Variants in SEMA6D observed in about 807,000 individuals in gnomAD.
SEMA6D encodes semaphorin 6D.
A neutral mutation model predicts 106.6 loss-of-function variants in SEMA6D; 35 were observed. That is an observed-to-expected ratio of 0.33 (90% CI 0.25 to 0.44). SEMA6D has a LOEUF of 0.44. Ranked by LOEUF, SEMA6D falls within the 20% of genes least tolerant of loss-of-function variation. The pLI is 1.00. For missense variants in SEMA6D, 1,185 were observed against 1,345.9 expected (o/e 0.88, Z 1.87); for synonymous variants, 499 against 487.7 (o/e 1.02, Z -0.31).
intron 3 of SEMA6D, among the ~76,000 whole-genome samples, chr15:47,566,802 T>TGC (rs1566895755): frequency 2.6e-5 from 4 of 152,216 alleles, no homozygotes; most frequent in Non-Finnish European, 5.9e-5. Flanking sequence ...GCTTCCAGTG[T>TGC]CTGTCACGTG....
chr15:47,611,255 C>G (rs554252320), intron 4 of SEMA6D, among the ~76,000 whole-genome samples: 1 of 152,084 alleles, frequency 6.6e-6, no homozygotes, highest in South Asian at 2.1e-4. Context: ...GCTACAGATA[C>G]CAGTCTTTAC....
chr15:47,586,106 AAAT>A (rs1314776659), intron 3 of SEMA6D, among the ~76,000 whole-genome samples: 99 of 152,262 alleles, frequency 6.5e-4, no homozygotes, highest in Non-Finnish European at 1.3e-4. Flanking sequence ...TTCTACAATT[AAAT>A]AATAAGAGAC....
intron 1 of SEMA6D, among the ~76,000 whole-genome samples, chr15:47,250,474 C>A (rs936261824): frequency 1.3e-5 from 2 of 152,000 alleles, no homozygotes; most frequent in African/African-American, 4.8e-5. Flanking sequence ...AAGGAAAGAA[C>A]CTTTAGCAAA....
intron 1 of SEMA6D, among the ~76,000 whole-genome samples, chr15:47,385,069 A>C (rs2039785263): frequency 1.1e-5 from 1 of 90,758 alleles, no homozygotes; most frequent in Admixed American, 1.1e-4. Flanking sequence ...TTTTTTTACC[A>C]TAGAACTCAT....
At chr15:47,592,673 TA>T in intron 3 of SEMA6D, among the ~76,000 whole-genome samples, 1 of 152,322 alleles carries the variant, frequency 6.6e-6, no homozygotes, top group East Asian at 1.9e-4. Context: ...ATTGCATAAA[TA>T]AAAATTTGCA....
intron 2 of SEMA6D, among the ~76,000 whole-genome samples, chr15:47,456,335 T>C (rs969876185): frequency 2.0e-5 from 3 of 152,012 alleles, no homozygotes; most frequent in East Asian, 1.9e-4. Context: ...TTACCTCTAA[T>C]TGAAATGTAA....
rs746946975 is a variant in SEMA6D, at chr15:47,289,393, C to CAAA, written c.-239+104996_-239+104998dup. Among the ~76,000 whole-genome samples, 346 of 46,488 alleles carry CAAA rather than the reference C, an allele frequency of 7.4e-3. 4 individuals carry two copies. The highest frequency in any genetic ancestry group is 0.035 in the South Asian group (37 of 1,056). 30.5% of individuals were successfully genotyped at this position (46,488 alleles called of 152,430 possible). A position where few individuals can be genotyped will look rare whatever the true frequency, so the allele number is the denominator to read the frequency against. ...TGGGTGACAGAGCAAAACTCCATCT[C>CAAA]AAAAAAAAAAAAAAAAAAAAAAAGA... On this transcript the variant is annotated intron_variant, in intron 1 of 19. Transcript: ENST00000558014.
chr15:47,576,992 C>A (rs1192914234), intron 3 of SEMA6D, among the ~76,000 whole-genome samples: 1 of 152,226 alleles, frequency 6.6e-6, no homozygotes, highest in East Asian at 1.9e-4. Flanking sequence ...CTATTACCTA[C>A]AGAAGAAACC....
chr15:47,466,801 A>G (rs1482759387), intron 2 of SEMA6D, among the ~76,000 whole-genome samples: 1 of 149,212 alleles, frequency 6.7e-6, no homozygotes, highest in Non-Finnish European at 1.5e-5. Context: ...ATCTCGGCTC[A>G]CTGCAACCTC....
intron 4 of SEMA6D, among the ~76,000 whole-genome samples, chr15:47,683,112 A>G (rs542481526): frequency 2.0e-5 from 3 of 152,334 alleles, no homozygotes; most frequent in African/African-American, 7.2e-5. Context: ...TGCTACATAG[A>G]TAAATTGCAT....
intron 1 of SEMA6D, among the ~76,000 whole-genome samples, chr15:47,199,269 T>C (rs1894558130): frequency 6.6e-6 from 1 of 152,176 alleles, no homozygotes; most frequent in Non-Finnish European, 1.5e-5. Flanking sequence ...TGGTTTCAGC[T>C]GCTCTCATTA....
intron 1 of SEMA6D, among the ~76,000 whole-genome samples, chr15:47,746,369 C>G (rs1040592118): frequency 2.0e-5 from 3 of 152,206 alleles, no homozygotes; most frequent in African/African-American, 7.2e-5. Context: ...GTTGTGACAT[C>G]TGGGTTCTGC....
chr15:47,259,206 AAAG>A (rs1047553361), intron 1 of SEMA6D, among the ~76,000 whole-genome samples: 1 of 152,202 alleles, frequency 6.6e-6, no homozygotes, highest in Non-Finnish European at 1.5e-5. Flanking sequence ...AAAAATAATG[AAAG>A]AAGGATAGTC....
At chr15:47,475,997 G>A (rs910120966) in intron 3 of SEMA6D, among the ~76,000 whole-genome samples, 1 of 152,166 alleles carries the variant, frequency 6.6e-6, no homozygotes, top group African/African-American at 2.4e-5. Flanking sequence ...GCAAAGTGTG[G>A]TGAAAACAAA....
intron 1 of SEMA6D, among the ~76,000 whole-genome samples, chr15:47,722,774 A>G (rs2146366846): frequency 6.6e-6 from 1 of 152,326 alleles, no homozygotes; most frequent in Middle Eastern, 3.4e-3. Context: ...GAAGAAGAGG[A>G]AAGAACAGCA....
At chr15:47,315,057 G>C (rs1420242926) in intron 1 of SEMA6D, among the ~76,000 whole-genome samples, 1 of 150,996 alleles carries the variant, frequency 6.6e-6, no homozygotes, top group Non-Finnish European at 1.5e-5. Context: ...TAGTAGAGAC[G>C]GGGTTTCACC....
chr15:47,759,223 C>T (rs1040867274), intron 1 of SEMA6D, among the ~76,000 whole-genome samples: 1 of 152,106 alleles, frequency 6.6e-6, no homozygotes, highest in African/African-American at 2.4e-5. Context: ...GAATTTGGGG[C>T]TAATACTTGG....
chr15:47,741,096 A>G (rs542843053), intron 1 of SEMA6D, among the ~76,000 whole-genome samples: 1 of 152,334 alleles, frequency 6.6e-6, no homozygotes, highest in South Asian at 2.1e-4. Context: ...AAACTCTGAC[A>G]GTATTCTTAT....
intron 1 of SEMA6D, among the ~76,000 whole-genome samples, chr15:47,201,600 ACC>A (rs1312507132): frequency 6.6e-6 from 1 of 151,996 alleles, no homozygotes; most frequent in Non-Finnish European, 1.5e-5. Context: ...GCTTGGCTTC[ACC>A]CCCACTAGAG....
Sources: gnomAD v4.1 joint callset for allele counts (sites outside exome capture counted in the v4.1 genomes callset) on GRCh38, gnomAD v4.1.1 for gene constraint, MANE v1.5 for transcripts, NCBI Gene and HGNC (gene_info 2026-07-23, HGNC 2026-07-21) for gene names.